The following ATAD2B variants were observed in gnomAD, a reference collection of about 807,000 sequenced individuals.
The protein encoded by ATAD2B is ATPase family AAA domain containing 2B.
Under a neutral mutation model 167.6 loss-of-function variants are expected in ATAD2B, and 40 were observed. That is an observed-to-expected ratio of 0.24 (90% CI 0.19 to 0.31). The LOEUF (loss-of-function observed/expected upper bound fraction) is 0.31, where lower values mean the gene tolerates loss of function less well. ATAD2B is among the 10% of genes least tolerant of loss of function. The probability of loss-of-function intolerance (pLI) is 1.00; values close to 1 mark genes in which losing one functional copy is unlikely to be tolerated. For synonymous variants in ATAD2B, 579 were observed against 596.5 expected (o/e 0.97, Z 0.43); for missense variants, 1,242 against 1,757.2 (o/e 0.71, Z 5.24).
chr2:23,706,571 C>T, the ATAD2B span: 1 of 1,537,236 alleles, frequency 6.5e-7, no homozygotes, highest in Non-Finnish European at 8.7e-7. Flanking sequence ...CCTACGAGCC[C>T]ACAACCAACA....
At chr2:23,711,338 C>CT in the ATAD2B span, among the ~76,000 whole-genome samples, 1 of 45,622 alleles carries the variant, frequency 2.2e-5, no homozygotes, top group African/African-American at 8.8e-5. Flanking sequence ...CACAGAATTT[C>CT]TTTCTTTTTT....
At chr2:23,805,092 G>A (rs1168318967) in intron 18 of ATAD2B, among the ~76,000 whole-genome samples, 16 of 150,302 alleles carry the variant, frequency 1.1e-4, no homozygotes, top group African/African-American at 2.5e-4. Context: ...GCAATGAGCC[G>A]AGATCACGCT....
intron 13 of ATAD2B, among the ~76,000 whole-genome samples, chr2:23,854,937 G>A (rs1354700586): frequency 6.6e-6 from 1 of 152,196 alleles, no homozygotes; most frequent in African/African-American, 2.4e-5. Context: ...TCTCATGCCT[G>A]TAATCCCAGC....
At chr2:23,678,338 A>C in the ATAD2B span, among the ~76,000 whole-genome samples, 33 of 152,142 alleles carry the variant, frequency 2.2e-4, no homozygotes, top group Non-Finnish European at 4.0e-4. Flanking sequence ...GTTAGAGGGG[A>C]TATCTGGTCC....
intron 1 of ATAD2B, among the ~76,000 whole-genome samples, chr2:23,917,913 C>A (rs1011373023): frequency 3.3e-5 from 5 of 151,962 alleles, no homozygotes; most frequent in African/African-American, 1.2e-4. Flanking sequence ...ACAAAATTAG[C>A]CAGGCATGGT....
intron 14 of ATAD2B, among the ~76,000 whole-genome samples, chr2:23,831,867 T>A (rs962895487): frequency 2.6e-5 from 4 of 152,202 alleles, no homozygotes; most frequent in African/African-American, 9.6e-5. Context: ...ATGAAACACA[T>A]TATCTTGCCC....
At chr2:23,914,692 A>G (rs1702786199) in intron 1 of ATAD2B, among the ~76,000 whole-genome samples, 1 of 151,928 alleles carries the variant, frequency 6.6e-6, no homozygotes, top group Admixed American at 6.6e-5. Context: ...ACCAAAAAAA[A>G]TTAGCCGGGC....
At chr2:23,841,503 T>C (rs1452124271) in intron 13 of ATAD2B, among the ~76,000 whole-genome samples, 1 of 152,000 alleles carries the variant, frequency 6.6e-6, no homozygotes, top group Non-Finnish European at 1.5e-5. Flanking sequence ...TGGTGTGGCA[T>C]GTGTCAGAAT....
chr2:23,745,569 C>G (rs1176028734), downstream of ATAD2B, among the ~76,000 whole-genome samples: 1 of 152,078 alleles, frequency 6.6e-6, no homozygotes, highest in Non-Finnish European at 1.5e-5. Context: ...CAAGATAGGA[C>G]CCCCCAACCT....
the ATAD2B span, chr2:23,691,465 AG>A: frequency 1.7e-6 from 1 of 597,344 alleles, no homozygotes; most frequent in Non-Finnish European, 3.0e-6. Context: ...AGTGATAAGC[AG>A]GGTTTTCTGT....
At chr2:23,703,678 A>G in the ATAD2B span, 109 of 1,503,910 alleles carry the variant, frequency 7.2e-5, no homozygotes, top group Admixed American at 2.2e-5. Context: ...GGGAAGTCCA[A>G]GACAAGCTGC....
intron 21 of ATAD2B, among the ~76,000 whole-genome samples, chr2:23,785,024 G>T (rs754972222): frequency 6.6e-6 from 1 of 151,974 alleles, no homozygotes. Flanking sequence ...ACAGTGTATT[G>T]TGGATAAAGG....
Position 23,783,235 on chromosome 2 carries a change from T to C in ATAD2B, c.2974-207A>G, listed in dbSNP as rs115468070. On this transcript the variant is annotated intron_variant, in intron 21 of 27. Coordinates refer to ENST00000238789, the MANE Select transcript of ATAD2B (RefSeq NM_017552.4). Reference sequence around the variant, plus strand: ...AAAGCTTCAGTTTCCAAGTCATACCTAAATCAACTCTGAAATGTTTCTGTT... The same window carrying C: ...AAAGCTTCAGTTTCCAAGTCATACCCAAATCAACTCTGAAATGTTTCTGTT... Among the ~76,000 whole-genome samples, 1,112 of 151,240 alleles carry C rather than the reference T, an allele frequency of 7.4e-3. 10 individuals are homozygous for C. The highest frequency in any genetic ancestry group is 0.026 in the African/African-American group (1,072 of 41,402).
chr2:23,900,479 T>C (rs1158436850), intron 1 of ATAD2B, among the ~76,000 whole-genome samples: 1 of 152,192 alleles, frequency 6.6e-6, no homozygotes, highest in Non-Finnish European at 1.5e-5. Context: ...AGACATTCTT[T>C]ACTCCAATTC....
At chr2:23,891,013 T>C (rs1699395175) in intron 2 of ATAD2B, among the ~76,000 whole-genome samples, 1 of 146,974 alleles carries the variant, frequency 6.8e-6, no homozygotes, top group African/African-American at 2.5e-5. Context: ...AGATTTAATA[T>C]ACTGAGATTT....
At chr2:23,799,313 C>T (rs955543874) in intron 18 of ATAD2B, among the ~76,000 whole-genome samples, 4 of 152,050 alleles carry the variant, frequency 2.6e-5, no homozygotes, top group African/African-American at 7.2e-5. Context: ...TGGCTCACGC[C>T]TGTAATCCCA....
In ATAD2B at chr2:23,870,210, A is replaced by G. The variant is rs1207339803; in HGVS notation, c.978-449T>C. ...TGACAGAGCAAGACTCCTTCTCGGA[A>G]AAAAAAAAAAAAGGAGAATAGAAAG... On this transcript the variant is annotated intron_variant, in intron 8 of 27. Coordinates refer to ENST00000238789, the MANE Select transcript of ATAD2B (RefSeq NM_017552.4). Among the ~76,000 whole-genome samples the G allele has an allele frequency of 1.7e-4, 11 of 63,214 alleles. No individual in the cohort carries two copies. The East Asian group carries it at 0.01, about 58-fold the overall frequency. The allele number at this position is 63,214 out of a possible 152,430, so 41.5% of individuals were successfully genotyped here. A position where few individuals can be genotyped will look rare whatever the true frequency, so the allele number is the denominator to read the frequency against.
intron 1 of ATAD2B, among the ~76,000 whole-genome samples, chr2:23,916,469 T>G (rs1382139845): frequency 6.6e-6 from 1 of 152,150 alleles, no homozygotes; most frequent in Non-Finnish European, 1.5e-5. Flanking sequence ...TTAAAGTAAT[T>G]TCTAAATTCA....
chr2:23,743,457 G>A, the ATAD2B span, among the ~76,000 whole-genome samples: 1 of 151,728 alleles, frequency 6.6e-6, no homozygotes, highest in African/African-American at 2.4e-5. Context: ...CAGCTGCTTG[G>A]GAGACTGAGG....
Sources: allele counts gnomAD v4.1 joint callset (sites outside exome capture counted in the v4.1 genomes callset), GRCh38; gene constraint gnomAD v4.1.1; transcripts MANE v1.5; gene names NCBI Gene and HGNC (gene_info 2026-07-23, HGNC 2026-07-21).